Variants in CACNA2D1 observed in about 807,000 individuals in gnomAD.
CACNA2D1 encodes the protein calcium voltage-gated channel auxiliary subunit alpha2delta 1.
In CACNA2D1, 53 loss-of-function variants were observed where a neutral mutation model predicts 171.5. The ratio of observed to expected loss-of-function variants is 0.31; its 90% CI spans 0.25 to 0.39. CACNA2D1 has a LOEUF of 0.39. Among genes scored for constraint, CACNA2D1 ranks in the 10% least tolerant of loss-of-function variants. The pLI is 1.00. For missense variants in CACNA2D1, 903 were observed against 1,299.8 expected, an observed-to-expected ratio of 0.69 and a Z score of 4.69; for synonymous variants, 442 against 443.1, an observed-to-expected ratio of 1.00 and a Z score of 0.03.
At chr7:82,120,406 G>A (rs757925736) in intron 5 of CACNA2D1, among the ~76,000 whole-genome samples, 6 of 151,974 alleles carry the variant, frequency 3.9e-5, no homozygotes, top group Non-Finnish European at 7.4e-5. Flanking sequence ...TTAAAGTCTC[G>A]ATTACTATCC....
At chr7:82,166,571 T>A (rs985441114) in intron 4 of CACNA2D1, among the ~76,000 whole-genome samples, 5 of 152,080 alleles carry the variant, frequency 3.3e-5, no homozygotes, top group African/African-American at 1.2e-4. Flanking sequence ...GAAATGCAAT[T>A]GGAAAAGATC....
chr7:82,149,261 C>T (rs897349082), intron 4 of CACNA2D1, among the ~76,000 whole-genome samples: 3 of 152,112 alleles, frequency 2.0e-5, no homozygotes, highest in Non-Finnish European at 2.9e-5. Flanking sequence ...TCTTAATATT[C>T]CACAGACAAG....
At chr7:82,365,191 G>A (rs1312970281) in intron 1 of CACNA2D1, among the ~76,000 whole-genome samples, 1 of 151,988 alleles carries the variant, frequency 6.6e-6, no homozygotes, top group Non-Finnish European at 1.5e-5. Flanking sequence ...AAAGGATGTG[G>A]GGTTTCCCTT....
intron 5 of CACNA2D1, among the ~76,000 whole-genome samples, chr7:82,125,905 C>A (rs1034675516): frequency 6.6e-6 from 1 of 151,978 alleles, no homozygotes; most frequent in African/African-American, 2.4e-5. Flanking sequence ...AATATAATGC[C>A]CTTTCATTAT....
At chr7:82,278,645 G>A (rs1004347239) in intron 3 of CACNA2D1, among the ~76,000 whole-genome samples, 1 of 150,838 alleles carries the variant, frequency 6.6e-6, no homozygotes, top group East Asian at 1.9e-4. Context: ...TTCCAAAAAT[G>A]GTTACCAAGT....
intron 3 of CACNA2D1, among the ~76,000 whole-genome samples, chr7:82,202,332 T>C (rs1411176753): frequency 6.6e-6 from 1 of 152,140 alleles, no homozygotes; most frequent in African/African-American, 2.4e-5. Flanking sequence ...CCCTCGGTCC[T>C]CAGCTTGGGC....
chr7:82,328,187 A>G (rs1816880079), intron 3 of CACNA2D1, among the ~76,000 whole-genome samples: 1 of 152,176 alleles, frequency 6.6e-6, no homozygotes, highest in African/African-American at 2.4e-5. Flanking sequence ...TTAGTGGATT[A>G]CCTAATCCCT....
Position 82,357,111 on chromosome 7 carries a change from T to C in CACNA2D1, c.96-7462A>G, listed in dbSNP as rs549389080. Among the ~76,000 whole-genome samples, 4 of 152,276 alleles carry C rather than the reference T, an allele frequency of 2.6e-5. No homozygotes were observed. The South Asian group carries it at 8.3e-4, about 32-fold the overall frequency. ...ACAGAAACAGCCCAAATTCTAAAAA[T>C]AAACATATAGAATATGCAGATTTTC... On this transcript the variant is annotated intron_variant, in intron 1 of 38. Coordinates refer to ENST00000356860, the MANE Select transcript of CACNA2D1 (RefSeq NM_000722.4).
At chr7:82,428,523 T>C (rs1334891681) in intron 1 of CACNA2D1, among the ~76,000 whole-genome samples, 3 of 152,206 alleles carry the variant, frequency 2.0e-5, no homozygotes, top group African/African-American at 7.2e-5. Context: ...AAAACAGTAG[T>C]CTTTACTAAT....
intron 3 of CACNA2D1, among the ~76,000 whole-genome samples, chr7:82,234,902 T>C (rs1288410388): frequency 6.6e-6 from 1 of 152,190 alleles, no homozygotes; most frequent in Non-Finnish European, 1.5e-5. Flanking sequence ...AACAGACTTC[T>C]ACCTTAAACA....
intron 1 of CACNA2D1, among the ~76,000 whole-genome samples, chr7:82,407,691 A>G (rs77582886): frequency 0.011 from 1,690 of 152,288 alleles, 35 homozygotes; most frequent in African/African-American, 0.039. Flanking sequence ...TCTGCACTTT[A>G]CATACTATAG....
chr7:82,439,440 T>C (rs1356391306), intron 1 of CACNA2D1, among the ~76,000 whole-genome samples: 1 of 151,908 alleles, frequency 6.6e-6, no homozygotes, highest in Admixed American at 6.6e-5. Context: ...TGTAAAGCTC[T>C]TATCTATTGT....
intron 1 of CACNA2D1, among the ~76,000 whole-genome samples, chr7:82,400,799 CT>C (rs1826308313): frequency 6.6e-6 from 1 of 150,638 alleles, no homozygotes; most frequent in South Asian, 2.1e-4. Context: ...TTTTTGCAAC[CT>C]ACTCATCTGA....
At chr7:82,095,149 ATT>A (rs1451108995) in intron 6 of CACNA2D1, among the ~76,000 whole-genome samples, 5 of 151,882 alleles carry the variant, frequency 3.3e-5, no homozygotes, top group Non-Finnish European at 7.4e-5. Context: ...CTCAAATGTC[ATT>A]CTGTATGCTG....
rs747509072 is a variant in CACNA2D1, at chr7:82,038,154, C to T, written c.961G>A (p.Ala321Thr). The T allele has an allele frequency of 4.3e-6, 7 of 1,613,454 alleles. No individual in the cohort carries two copies. Among genetic ancestry groups the T allele is most frequent in the Admixed American group, 1.7e-5 (1 of 60,018 alleles). ...CCTTTGGCTGTGATATTATTCACCG[C>T]GTCTTTCAACACTTTTTTATTTCTT... ...NVRNKKVLKDAVNNITAKGIT... is the reference protein window; with the variant it reads ...NVRNKKVLKDTVNNITAKGIT... Residue 321 changes from alanine to threonine, a missense_variant, in exon 11 of 39, where the codon GCG becomes ACG. Transcript: ENST00000356860.
chr7:82,339,173 A>G (rs775566909), intron 2 of CACNA2D1, among the ~76,000 whole-genome samples: 5 of 152,246 alleles, frequency 3.3e-5, no homozygotes, highest in Non-Finnish European at 2.9e-5. Flanking sequence ...TTAGTTGACC[A>G]CAAAAGGCTG....
At chr7:82,029,656 T>C (rs1211972232) in intron 12 of CACNA2D1, 1 of 151,824 alleles carries the variant, frequency 6.6e-6, no homozygotes, top group Admixed American at 6.6e-5. Flanking sequence ...GCCAAAGCTA[T>C]ATACATGGTT....
chr7:82,295,365 C>T (rs1812133680), intron 3 of CACNA2D1, among the ~76,000 whole-genome samples: 1 of 149,038 alleles, frequency 6.7e-6, no homozygotes, highest in African/African-American at 2.5e-5. Context: ...GAGACAGGGT[C>T]TCACTCTGTC....
intron 34 of CACNA2D1, 132 bp downstream of exon 34, chr7:81,963,924 T>A: frequency 1.4e-6 from 1 of 717,926 alleles, no homozygotes; most frequent in Non-Finnish European, 2.5e-6. Context: ...CAATAGGTGA[T>A]GTAAAGAATG....
Sources: gnomAD v4.1 joint callset for allele counts (sites outside exome capture counted in the v4.1 genomes callset) on GRCh38, gnomAD v4.1.1 for gene constraint, MANE v1.5 for transcripts, NCBI Gene and HGNC (gene_info 2026-07-23, HGNC 2026-07-21) for gene names.